Variants in NOMO2 observed in about 807,000 individuals in gnomAD.
The protein encoded by NOMO2 is NODAL modulator 2.
A neutral mutation model predicts 67.1 loss-of-function variants in NOMO2; 14 were observed. The ratio of observed to expected loss-of-function variants is 0.21; its 90% CI spans 0.14 to 0.33. The LOEUF (loss-of-function observed/expected upper bound fraction) is 0.33, where lower values mean the gene tolerates loss of function less well. NOMO2 is among the 10% of genes least tolerant of loss of function. The pLI is 1.00. For synonymous variants in NOMO2, 80 were observed against 305.9 expected, an observed-to-expected ratio of 0.26 and a Z score of 7.71; for missense variants, 178 against 761.0, an observed-to-expected ratio of 0.23 and a Z score of 9.01.
chr16:18,528,917 G>A (rs1274298939), intron 15 of NOMO2, among the ~76,000 whole-genome samples: 1 of 138,046 alleles, frequency 7.2e-6, no homozygotes, highest in South Asian at 2.4e-4. Flanking sequence ...TCAGTGAGCC[G>A]AGATTGCGCC....
intron 12 of NOMO2, among the ~76,000 whole-genome samples, chr16:18,531,881 A>G (rs1158790646): frequency 1.3e-5 from 2 of 152,164 alleles, no homozygotes; most frequent in Non-Finnish European, 1.5e-5. Context: ...CAACGCGGAC[A>G]CGCCTCACTT....
chr16:18,544,414 G>A (rs913703488), intron 6 of NOMO2, among the ~76,000 whole-genome samples: 6 of 151,910 alleles, frequency 3.9e-5, no homozygotes, highest in Admixed American at 3.9e-4. Context: ...CTGAAGATTA[G>A]CCTAAAGCTG....
At position 18,531,361 on chromosome 16, in the gene NOMO2, G is replaced by C. The variant is rs1269396838; in HGVS notation, c.1537+105C>G. ...CAAGAAGCCTCCCTCGCACGCAGGT[G>C]ATCAGTAGCAAACAACAAAGGCAAA... is the stretch of plus-strand genomic sequence containing the variant. On this transcript the variant is annotated intron_variant, in intron 13 of 30. Coordinates refer to ENST00000622306, the MANE Select transcript of NOMO2 (RefSeq NM_173614.4). 10 of 1,585,976 alleles carry C rather than the reference G, an allele frequency of 6.3e-6. No homozygotes were observed. The Admixed American group carries it at 1.4e-4, about 22-fold the overall frequency.
chr16:18,553,523 G>T (rs1418616579), intron 3 of NOMO2, among the ~76,000 whole-genome samples: 9 of 151,432 alleles, frequency 5.9e-5, no homozygotes, highest in African/African-American at 2.4e-5. Flanking sequence ...GGGTGGGGCG[G>T]GATGGCTAAT....
At chr16:18,534,081 T>C (rs1901366144) in intron 11 of NOMO2, among the ~76,000 whole-genome samples, 1 of 151,930 alleles carries the variant, frequency 6.6e-6, no homozygotes, top group Admixed American at 6.6e-5. Flanking sequence ...CAATTAGGGG[T>C]ACATTAAATG....
chr16:18,560,461 G>A (rs1053038117), intron 1 of NOMO2, among the ~76,000 whole-genome samples: 3 of 151,678 alleles, frequency 2.0e-5, no homozygotes, highest in Middle Eastern at 6.8e-3. Flanking sequence ...GAAATGCCCT[G>A]TGCCGTCTAC....
intron 15 of NOMO2, 147 bp downstream of exon 15, chr16:18,529,354 A>G (rs895074081): frequency 1.3e-6 from 2 of 1,545,336 alleles, no homozygotes; most frequent in African/African-American, 2.7e-5. Flanking sequence ...CTTCCTGATT[A>G]TGCGTTGCGT....
chr16:18,533,862 C>G (rs1901361812), intron 11 of NOMO2: 1 of 151,724 alleles, frequency 6.6e-6, no homozygotes, highest in African/African-American at 2.4e-5. Context: ...CCTCGAATAA[C>G]ACACGAGAGG....
rs1169783737 is a variant in NOMO2 at position 18,541,556 on chromosome 16, G to A, written c.963+616C>T. On this transcript the variant is annotated intron_variant, in intron 9 of 30. Transcript: ENST00000622306. The stretch of plus-strand genomic sequence containing the variant: ...ACCCTTCCTGTCATTAGAACATGAG[G>A]TCTAGCCAGGTGCGATGGCTCACAC... 4.0e-5 allele frequency among the ~76,000 whole-genome samples: 6 copies of A among 150,798 alleles called. No individual in the cohort carries two copies. The East Asian group carries it at 9.9e-4, about 25-fold the overall frequency.
intron 2 of NOMO2, among the ~76,000 whole-genome samples, chr16:18,556,985 G>A (rs1901920508): frequency 6.6e-6 from 1 of 151,972 alleles, no homozygotes; most frequent in African/African-American, 2.4e-5. Context: ...ACATTAGCTG[G>A]GTGTAGTGGC....
chr16:18,526,802 A>G (rs1011584644), intron 16 of NOMO2, among the ~76,000 whole-genome samples: 2 of 152,078 alleles, frequency 1.3e-5, no homozygotes, highest in African/African-American at 4.8e-5. Context: ...GAACAAATCT[A>G]AAACTGGATT....
intron 2 of NOMO2, among the ~76,000 whole-genome samples, chr16:18,557,500 C>T (rs1185336625): frequency 5.3e-5 from 8 of 151,964 alleles, no homozygotes; most frequent in Admixed American, 2.6e-4. Flanking sequence ...TGCCAAATGG[C>T]CCTAAACACA....
intron 1 of NOMO2, among the ~76,000 whole-genome samples, chr16:18,561,572 C>T (rs1478249954): frequency 1.3e-5 from 2 of 150,712 alleles, no homozygotes; most frequent in East Asian, 2.0e-4. Context: ...GGAGTCTGGG[C>T]TCCAGGGAAT....
intron 11 of NOMO2, chr16:18,533,739 T>A (rs970862072): frequency 6.5e-6 from 1 of 153,756 alleles, no homozygotes; most frequent in East Asian, 1.9e-4. Flanking sequence ...AAAGCTAAAA[T>A]TGAACTCCTT....
Position 18,562,008 on chromosome 16 carries a change from C to G in NOMO2, c.33G>C (p.Gly11=). 6.5e-7 allele frequency: 1 copy of G among 1,544,762 alleles called. No homozygotes were observed. Among genetic ancestry groups the G allele is most frequent in the Non-Finnish European group, 8.7e-7 (1 of 1,147,176 alleles). The change falls in exon 1 of 31, where the codon GGG becomes GGC. Residue 11 remains glycine (G), a synonymous_variant. Coordinates refer to ENST00000622306, the MANE Select transcript of NOMO2 (RefSeq NM_173614.4). MLVGQGAGLL[G]PAVVTAAVVL... is the part of the protein sequence containing the mutation. ...CCACCGCGGCGGTGACCACCGCGGG[C>G]CCCAGCAGCCCCGCGCCCTGGCCCA...
intron 16 of NOMO2, among the ~76,000 whole-genome samples, chr16:18,527,018 A>G (rs1288541534): frequency 2.7e-5 from 4 of 147,392 alleles, no homozygotes; most frequent in African/African-American, 1.0e-4. Context: ...GGAGTTTGAG[A>G]CCAGCCTGGA....
Position 18,533,179 on chromosome 16 carries a change from C to A in NOMO2, c.1221G>T (p.Gly407=). Residue 407 remains glycine, a splice_region_variant and synonymous_variant, in exon 12 of 31, where the codon GGG becomes GGT. Coordinates refer to ENST00000622306, the MANE Select transcript of NOMO2 (RefSeq NM_173614.4). ...TTGATATCCGACCACAGACACTGAA[C>A]CTGCAAAGAGAAGACCATTCATTCC... ...TPQLADIVAT[G]FSVCGRISII... 1 of 1,611,360 alleles carries A rather than the reference C, an allele frequency of 6.2e-7. No homozygotes were observed. The highest frequency in any genetic ancestry group is 1.1e-5 in the South Asian group (1 of 90,904).
At chr16:18,554,189 GA>G (rs1181160113) in intron 3 of NOMO2, among the ~76,000 whole-genome samples, 1 of 151,988 alleles carries the variant, frequency 6.6e-6, no homozygotes, top group Admixed American at 6.6e-5. Context: ...TCTGAATACT[GA>G]GTACTTGCTA....
intron 15 of NOMO2, among the ~76,000 whole-genome samples, chr16:18,528,982 AAAAAAAATACATATATATAT>A (rs1901220546): frequency 4.0e-5 from 4 of 99,646 alleles, no homozygotes; most frequent in Admixed American, 1.1e-4. Flanking sequence ...AAAAAAAAAA[AAAAAAAATACATATATATAT>A]ATATATATAT....
Sources: gnomAD v4.1 joint callset for allele counts (sites outside exome capture counted in the v4.1 genomes callset) on GRCh38, gnomAD v4.1.1 for gene constraint, MANE v1.5 for transcripts, NCBI Gene and HGNC (gene_info 2026-07-23, HGNC 2026-07-21) for gene names.